The following ACOX3 variants were observed in gnomAD, a reference collection of about 807,000 sequenced individuals.
ACOX3 encodes peroxisomal acyl-coenzyme A oxidase 3.
In ACOX3, 73 loss-of-function variants were observed where a neutral mutation model predicts 81.5. The observed-to-expected ratio is 0.90, with a 90% CI of 0.74 to 1.09. ACOX3 has a LOEUF of 1.09. Ranked by LOEUF, ACOX3 falls within the 50% of genes least tolerant of loss-of-function variation. ACOX3 has a pLI of 0.00. For missense variants in ACOX3, 947 were observed against 928.0 expected (o/e 1.02, Z -0.27); for synonymous variants, 387 against 375.1 (o/e 1.03, Z -0.37).
chr4:8,358,674 A>G, the ACOX3 span, among the ~76,000 whole-genome samples: 2 of 152,178 alleles, frequency 1.3e-5, no homozygotes, highest in African/African-American at 4.8e-5. Flanking sequence ...AGATGGCCAC[A>G]AGAGTGACCT....
rs1441481624 is a variant in ACOX3, at chr4:8,389,633, G to C, written c.1402C>G (p.Leu468Val). 6.2e-7 allele frequency: 1 copy of C among 1,613,854 alleles called. No individual in the cohort carries two copies. The highest frequency in any genetic ancestry group is 1.3e-5 in the African/African-American group (1 of 74,912). The change falls in exon 12 of 18, where the codon CTC (leucine) becomes GTC (valine). Residue 468 changes from leucine to valine, a missense_variant. Transcript: ENST00000356406. This position sits in a 1 kb window ranked among gnomAD's most constrained non-coding sequence, Gnocchi z 5.3. ...TCACCGTGGACCTGGTGTGCCAGGAGACCCAGCAAATAGTTGCTTGTCTGC... is the reference window on the plus strand; with the variant it reads ...TCACCGTGGACCTGGTGTGCCAGGACACCCAGCAAATAGTTGCTTGTCTGC... Reference protein sequence around the residue: ...LQQTSNYLLGLLAHQVHDGAC... With the variant: ...LQQTSNYLLGVLAHQVHDGAC...
chr4:8,433,010 A>C (rs1315788785), intron 1 of ACOX3, among the ~76,000 whole-genome samples: 1 of 152,244 alleles, frequency 6.6e-6, no homozygotes, highest in African/African-American at 2.4e-5. Context: ...GCAGACATAG[A>C]ACATTGCCAT....
rs368180966 is a variant in ACOX3, at chr4:8,408,364, C to G, written c.687+1848G>C. On this transcript the variant is annotated intron_variant, in intron 6 of 17. Coordinates refer to ENST00000356406, the MANE Select transcript of ACOX3 (RefSeq NM_003501.3). ...AGATCACAATCCTGTCCAAATAACC[C>G]CAAGACCACTGTTTCCATCCCTCCT... is the stretch of plus-strand genomic sequence containing the variant. Among the ~76,000 whole-genome samples, 4 of 152,188 alleles carry G rather than the reference C, an allele frequency of 2.6e-5. No individual in the cohort carries two copies. In the East Asian group the frequency reaches 7.7e-4, roughly 29 times the overall value.
rs1719454916 is a variant in ACOX3, at chr4:8,394,600, G to A, written c.1179+20C>T. The A allele has an allele frequency of 1.9e-6, 3 of 1,611,254 alleles. No homozygotes were observed. In the East Asian group the frequency reaches 6.7e-5, roughly 36 times the overall value. On this transcript the variant is annotated intron_variant, in intron 10 of 17. Transcript: ENST00000356406. The surrounding 1 kb of genome is among the most constrained non-coding windows in gnomAD (Gnocchi z 5.9). ...TGTGAGATTTAAACGATGCTGCTGA[G>A]GAAGCAGACACCACCTCACCTGTCT...
chr4:8,394,603 A>C lies in ACOX3; in HGVS notation c.1179+17T>G. On this transcript the variant is annotated intron_variant, in intron 10 of 17. Transcript: ENST00000356406. The surrounding 1 kb of genome is among the most constrained non-coding windows in gnomAD (Gnocchi z 5.9). The stretch of plus-strand genomic sequence containing the variant: ...GAGATTTAAACGATGCTGCTGAGGA[A>C]GCAGACACCACCTCACCTGTCTGGC... 6.2e-7 allele frequency: 1 copy of C among 1,611,470 alleles called. No homozygotes were observed. The highest frequency in any genetic ancestry group is 8.5e-7 in the Non-Finnish European group (1 of 1,178,566).
chr4:8,414,330 C>T lies in ACOX3; in HGVS notation c.505G>A (p.Ala169Thr). The T allele has an allele frequency of 1.9e-6, 3 of 1,614,102 alleles. No individual in the cohort carries two copies. The highest frequency in any genetic ancestry group is 2.5e-6 in the Non-Finnish European group (3 of 1,180,038). ...TELSHGSNTKAIRTTAHYDPA... is the reference protein window; with the variant it reads ...TELSHGSNTKTIRTTAHYDPA... ...TCGTAGTGGGCAGTTGTGCGAATGG[C>T]CTTGGTATTACTGCCGTGGCTTAAT... The change falls in exon 5 of 18, where the codon GCC (alanine) becomes ACC (threonine). Residue 169 changes from alanine (A) to threonine (T), a missense_variant. By Grantham distance (58) the Ala-to-Thr change is moderately conservative. Transcript: ENST00000356406. The surrounding 1 kb of genome is among the most constrained non-coding windows in gnomAD (Gnocchi z 6.1).
In ACOX3 at chr4:8,431,806, AC is replaced by A. The variant is rs992573706; in HGVS notation, c.-15+8841del. Among the ~76,000 whole-genome samples the A allele has an allele frequency of 9.2e-5, 14 of 152,090 alleles. No homozygotes were observed. The highest frequency in any genetic ancestry group is 3.1e-4 in the African/African-American group (13 of 41,394). Reference sequence around the variant, plus strand: ...GTCCCACTTCTGCTCCCTTCGGCACACCGATTCCCTGCTCAGTTTTAGACCT... The same window carrying A: ...GTCCCACTTCTGCTCCCTTCGGCACACGATTCCCTGCTCAGTTTTAGACCT... On this transcript the variant is annotated intron_variant, in intron 1 of 17. Coordinates refer to ENST00000356406, the MANE Select transcript of ACOX3 (RefSeq NM_003501.3). This position sits in a 1 kb window ranked among gnomAD's most constrained non-coding sequence, Gnocchi z 5.3.
chr4:8,389,550 G>T lies in ACOX3; in HGVS notation c.1423+62C>A. On this transcript the variant is annotated intron_variant, in intron 12 of 17. Coordinates refer to ENST00000356406, the MANE Select transcript of ACOX3 (RefSeq NM_003501.3). This position sits in a 1 kb window ranked among gnomAD's most constrained non-coding sequence, Gnocchi z 5.3. Reference sequence around the variant, plus strand: ...AGAACAGCTGAATCAGTGAGGCCAGGAGAACCCACCCCTGCCCCAGTTGGG... The same window carrying T: ...AGAACAGCTGAATCAGTGAGGCCAGTAGAACCCACCCCTGCCCCAGTTGGG... 1.9e-6 allele frequency: 3 copies of T among 1,608,294 alleles called. No homozygotes were observed. The South Asian group carries it at 3.3e-5, about 18-fold the overall frequency.
chr4:8,408,294 C>A (rs1029669108), intron 6 of ACOX3, among the ~76,000 whole-genome samples: 1 of 151,580 alleles, frequency 6.6e-6, no homozygotes, highest in South Asian at 2.1e-4. Flanking sequence ...AAGAAACCTG[C>A]AAAAGATGCC....
In ACOX3 at chr4:8,399,550, C is replaced by A; in HGVS notation, c.873+6G>T. The A allele has an allele frequency of 6.2e-7, 1 of 1,611,216 alleles. No individual in the cohort carries two copies. Among genetic ancestry groups the A allele is most frequent in the East Asian group, 2.2e-5 (1 of 44,846 alleles). ...ACGGCACACGAACGGCCCCCCATGC[C>A]TGTACCTTAAAGGGGCTGACATAGG... On this transcript the variant is annotated splice_donor_region_variant and intron_variant, in intron 8 of 17. Coordinates refer to ENST00000356406, the MANE Select transcript of ACOX3 (RefSeq NM_003501.3). The surrounding 1 kb of genome is among the most constrained non-coding windows in gnomAD (Gnocchi z 4.9).
intron 10 of ACOX3, among the ~76,000 whole-genome samples, chr4:8,393,794 T>C (rs1379080051): frequency 6.6e-6 from 1 of 152,120 alleles, no homozygotes; most frequent in African/African-American, 2.4e-5. Flanking sequence ...TACAACATTA[T>C]TCACAGGAGA....
the ACOX3 span, chr4:8,356,755 G>A: frequency 2.2e-6 from 1 of 456,566 alleles, no homozygotes; most frequent in Non-Finnish European, 4.4e-6. Flanking sequence ...GTGCAGAATG[G>A]TGCACGCCAA....
rs1047217545 is a variant in ACOX3 at position 8,416,064 on chromosome 4, T to C, written c.145-65A>G. ...AAGATGGACTCTCCATGTGCCCTTA[T>C]ATAGTTGACCTCCAGGCCACAGGCT... On this transcript the variant is annotated intron_variant, in intron 2 of 17. Coordinates refer to ENST00000356406, the MANE Select transcript of ACOX3 (RefSeq NM_003501.3). The surrounding 1 kb of genome is among the most constrained non-coding windows in gnomAD (Gnocchi z 4.2). 1 of 1,509,072 alleles carries C rather than the reference T, an allele frequency of 6.6e-7. No homozygotes were observed. The highest frequency in any genetic ancestry group is 1.7e-5 in the Admixed American group (1 of 58,096). The allele number at this position is 1,509,072 out of a possible 1,614,324, so 93.5% of individuals were successfully genotyped here.
At chr4:8,390,320 C>A (rs1045577431) in intron 11 of ACOX3, among the ~76,000 whole-genome samples, 2 of 151,314 alleles carry the variant, frequency 1.3e-5, no homozygotes, top group Admixed American at 1.3e-4. Context: ...CTCCAGCCTC[C>A]GGGACAGGGC....
At chr4:8,391,826 C>A (rs1246621947) in intron 11 of ACOX3, among the ~76,000 whole-genome samples, 2 of 152,234 alleles carry the variant, frequency 1.3e-5, no homozygotes, top group East Asian at 3.8e-4. Flanking sequence ...CCGCTCTTAA[C>A]CATATAACAG....
chr4:8,415,851 T>C lies in ACOX3; in HGVS notation c.293A>G (p.Lys98Arg), dbSNP rs1722272240. ...CAAGGCGGGGACCTTCAGAGGGCTC[T>C]TGAACATGTCTTCGACACTGAGGAA... ...YDFLSVEDMF[K>R]SPLKVPALIQ... Residue 98 changes from lysine to arginine, a missense_variant, in exon 3 of 18, where the codon AAG becomes AGG. Coordinates refer to ENST00000356406, the MANE Select transcript of ACOX3 (RefSeq NM_003501.3). 3 of 1,614,180 alleles carry C rather than the reference T, an allele frequency of 1.9e-6. No individual in the cohort carries two copies. Among genetic ancestry groups the C allele is most frequent in the East Asian group, 2.2e-5 (1 of 44,878 alleles).
At position 8,419,275 on chromosome 4, in the gene ACOX3, A is replaced by G. The variant is rs1234591600; in HGVS notation, c.-14-2740T>C. Among the ~76,000 whole-genome samples, 1 of 151,868 alleles carries G rather than the reference A, an allele frequency of 6.6e-6. No individual in the cohort carries two copies. Among genetic ancestry groups the G allele is most frequent in the African/African-American group, 2.4e-5 (1 of 41,336 alleles). On this transcript the variant is annotated intron_variant, in intron 1 of 17. Transcript: ENST00000356406. The surrounding 1 kb of genome is among the most constrained non-coding windows in gnomAD (Gnocchi z 4.2). ...ATGGTGAAACCTCATCTCTACTAAAAATACAAAAAAATTAGCCGGGCATGG... is the reference window on the plus strand; with the variant it reads ...ATGGTGAAACCTCATCTCTACTAAAGATACAAAAAAATTAGCCGGGCATGG...
At chr4:8,410,763 T>C (rs1003981803) in intron 5 of ACOX3, among the ~76,000 whole-genome samples, 1 of 152,192 alleles carries the variant, frequency 6.6e-6, no homozygotes, top group African/African-American at 2.4e-5. Context: ...CTCAGTTCTT[T>C]AGGACCTCTA....
chr4:8,415,725 G>T (rs2108983014), intron 3 of ACOX3, 41 bp downstream of exon 3: 2 of 1,578,614 alleles, frequency 1.3e-6, no homozygotes, highest in Non-Finnish European at 1.7e-6. Context: ...GCTCAGCGCA[G>T]CATGAAAGCC....
Sources: gnomAD v4.1 joint callset for allele counts (sites outside exome capture counted in the v4.1 genomes callset) on GRCh38, gnomAD v4.1.1 for gene constraint, Gnocchi (gnomAD v3.1) non-coding constraint, MANE v1.5 for transcripts, NCBI Gene and HGNC (gene_info 2026-07-23, HGNC 2026-07-21) for gene names.